EYA2: variants seen among roughly 807,000 people sequenced by gnomAD.
EYA2 encodes protein phosphatase EYA2.
EYA2 carries 31 observed loss-of-function variants against 69.2 expected under a neutral mutation model. The ratio of observed to expected loss-of-function variants is 0.45; its 90% CI spans 0.34 to 0.60. EYA2 has a LOEUF of 0.60. EYA2 is among the 20% of genes least tolerant of loss of function. The pLI is 0.02. For synonymous variants in EYA2, 257 were observed against 279.4 expected (o/e 0.92, Z 0.80); for missense variants, 622 against 701.2 (o/e 0.89, Z 1.28).
chr20:47,172,934 C>T, intron 12 of EYA2, 67 bp downstream of exon 12: 1 of 1,510,290 alleles, frequency 6.6e-7, no homozygotes, highest in Non-Finnish European at 8.9e-7. Context: ...GTCAGTGTCC[C>T]TGCTGTGCCA....
chr20:46,912,992 G>A (rs577777745), intron 1 of EYA2, among the ~76,000 whole-genome samples: 6 of 152,240 alleles, frequency 3.9e-5, no homozygotes, highest in Non-Finnish European at 7.4e-5. Flanking sequence ...GAGCCACCGC[G>A]CCCGGCCTTA....
intron 1 of EYA2, among the ~76,000 whole-genome samples, chr20:46,909,751 T>C (rs1251262112): frequency 3.3e-5 from 5 of 152,118 alleles, no homozygotes; most frequent in Admixed American, 3.3e-4. Flanking sequence ...ATCGGCAGCA[T>C]TTTCTGGAAG....
chr20:47,031,192 G>A (rs1260666241), intron 5 of EYA2, among the ~76,000 whole-genome samples: 1 of 152,234 alleles, frequency 6.6e-6, no homozygotes, highest in Non-Finnish European at 1.5e-5. Flanking sequence ...CTCTGAGGAA[G>A]TGACAGTGGA....
At chr20:47,104,117 T>G (rs2032508042) in intron 9 of EYA2, among the ~76,000 whole-genome samples, 1 of 152,214 alleles carries the variant, frequency 6.6e-6, no homozygotes, top group Non-Finnish European at 1.5e-5. Context: ...TGTCTGCCTT[T>G]TTGGCTATAG....
intron 7 of EYA2, among the ~76,000 whole-genome samples, chr20:47,076,063 G>T (rs1219707593): frequency 6.6e-6 from 1 of 152,162 alleles, no homozygotes; most frequent in Non-Finnish European, 1.5e-5. Context: ...AGTATTCCAT[G>T]GTGTATATAT....
At chr20:47,179,236 G>A (rs2034483525) in intron 12 of EYA2, among the ~76,000 whole-genome samples, 1 of 150,138 alleles carries the variant, frequency 6.7e-6, no homozygotes, top group Admixed American at 6.7e-5. Context: ...GTAGATGGGT[G>A]GTTGGGTGGA....
chr20:47,102,885 GT>G lies in EYA2; in HGVS notation c.888+5724del, dbSNP rs1489320318. 2.0e-5 allele frequency among the ~76,000 whole-genome samples: 3 copies of G among 148,626 alleles called. 1 individual carries two copies. Among genetic ancestry groups the G allele is most frequent in the Admixed American group, 7.1e-5 (1 of 14,174 alleles). On this transcript the variant is annotated intron_variant, in intron 9 of 15. Coordinates refer to ENST00000327619, the MANE Select transcript of EYA2 (RefSeq NM_005244.5). Reference sequence around the variant, plus strand: ...CCCTCCTCCGCAGTCTCTGAACTCTGTTTTTTTCCAGCTGGTATTAGGCAAA... The same window carrying G: ...CCCTCCTCCGCAGTCTCTGAACTCTGTTTTTTCCAGCTGGTATTAGGCAAA...
intron 9 of EYA2, among the ~76,000 whole-genome samples, chr20:47,101,698 C>T (rs1289054910): frequency 6.6e-6 from 1 of 152,196 alleles, no homozygotes; most frequent in Non-Finnish European, 1.5e-5. Context: ...GCCTGAGGGA[C>T]AACAGGATTT....
intron 1 of EYA2, among the ~76,000 whole-genome samples, chr20:46,914,058 G>C (rs772321179): frequency 6.6e-6 from 1 of 152,068 alleles, no homozygotes; most frequent in Admixed American, 6.5e-5. Context: ...CCTCCTCTTC[G>C]TTTTGAGGAA....
chr20:47,181,087 T>G, intron 14 of EYA2, 151 bp downstream of exon 14: 1 of 1,078,758 alleles, frequency 9.3e-7, no homozygotes, highest in Non-Finnish European at 1.3e-6. Flanking sequence ...ACAGCCCCCA[T>G]AGACCACATG....
intron 1 of EYA2, among the ~76,000 whole-genome samples, chr20:46,986,948 C>T (rs2146322292): frequency 6.6e-6 from 1 of 152,260 alleles, no homozygotes; most frequent in African/African-American, 2.4e-5. Flanking sequence ...GGGATTCTGT[C>T]ATCAGATCAA....
rs182932156 is a variant in EYA2 at position 47,027,487 on chromosome 20, T to G, written c.415+11190T>G. Among the ~76,000 whole-genome samples, 239 of 152,332 alleles carry G rather than the reference T, an allele frequency of 1.6e-3. 1 individual carries two copies. The highest frequency in any genetic ancestry group is 5.6e-3 in the African/African-American group (231 of 41,580). On this transcript the variant is annotated intron_variant, in intron 5 of 15. Transcript: ENST00000327619. ...GGGGGTCACTCTCCCCTCCCCTTCATGTGTGCTGGCAGGCTTGCTGCCTTT... is the reference window on the plus strand; with the variant it reads ...GGGGGTCACTCTCCCCTCCCCTTCAGGTGTGCTGGCAGGCTTGCTGCCTTT...
At chr20:47,114,477 T>C (rs1336471350) in intron 9 of EYA2, among the ~76,000 whole-genome samples, 1 of 151,572 alleles carries the variant, frequency 6.6e-6, no homozygotes, top group Non-Finnish European at 1.5e-5. Context: ...TAGCCGAGAG[T>C]GGTGGTGTGC....
At chr20:47,143,028 G>T (rs769618216) in intron 9 of EYA2, 31 bp from the exon 10 acceptor site, 1 of 1,598,618 alleles carries the variant, frequency 6.3e-7, no homozygotes, top group Non-Finnish European at 8.6e-7. Flanking sequence ...GGCTCCGCGT[G>T]CATGTGATTT....
chr20:47,036,507 T>A (rs1984720388), intron 5 of EYA2, among the ~76,000 whole-genome samples: 1 of 152,170 alleles, frequency 6.6e-6, no homozygotes. Flanking sequence ...GCAGACAGAT[T>A]TGGCAATACA....
intron 11 of EYA2, among the ~76,000 whole-genome samples, chr20:47,170,646 CA>C (rs56782816): frequency 0.018 from 1,507 of 84,466 alleles, 15 homozygotes; most frequent in African/African-American, 0.048. Context: ...GACTCCGTCT[CA>C]AAAAAAAAAA....
intron 12 of EYA2, among the ~76,000 whole-genome samples, chr20:47,177,467 A>C (rs1267100170): frequency 6.6e-6 from 1 of 152,208 alleles, no homozygotes; most frequent in African/African-American, 2.4e-5. Context: ...TATTTTTACT[A>C]ATTACAAGTG....
At chr20:47,060,368 C>T (rs1043123825) in intron 5 of EYA2, among the ~76,000 whole-genome samples, 20 of 151,962 alleles carry the variant, frequency 1.3e-4, no homozygotes, top group African/African-American at 3.4e-4. Context: ...CCCAACATGG[C>T]TGCAGTCACT....
intron 5 of EYA2, among the ~76,000 whole-genome samples, chr20:47,069,783 G>A (rs2146468610): frequency 6.6e-6 from 1 of 152,092 alleles, no homozygotes; most frequent in African/African-American, 2.4e-5. Context: ...GTGGGAGAAA[G>A]GATAGACTTT....
Sources: gnomAD v4.1 joint callset for allele counts (sites outside exome capture counted in the v4.1 genomes callset) on GRCh38, gnomAD v4.1.1 for gene constraint, MANE v1.5 for transcripts, NCBI Gene and HGNC (gene_info 2026-07-23, HGNC 2026-07-21) for gene names.